Variants in ERICH3 observed in about 807,000 individuals in gnomAD.
ERICH3 encodes glutamate rich 3, also known as glutamate-rich protein 3.
In ERICH3, 126 loss-of-function variants were observed where a neutral mutation model predicts 131.1. That is an observed-to-expected ratio of 0.96 (90% CI 0.83 to 1.11). The LOEUF (loss-of-function observed/expected upper bound fraction) is 1.11, where lower values mean the gene tolerates loss of function less well. ERICH3 is among the 50% of genes most tolerant of loss of function. The pLI is 0.00. For synonymous variants in ERICH3, 695 were observed against 644.6 expected (o/e 1.08, Z -1.18); for missense variants, 2,050 against 1,810.7 (o/e 1.13, Z -2.40).
At chr1:74,633,064 G>T (rs554182947) in intron 6 of ERICH3, among the ~76,000 whole-genome samples, 23 of 151,624 alleles carry the variant, frequency 1.5e-4, no homozygotes, top group African/African-American at 5.3e-4. Context: ...AATTTATATT[G>T]TACTTATGTT....
At chr1:74,614,620 C>G (rs574132456) in intron 8 of ERICH3, among the ~76,000 whole-genome samples, 1 of 149,142 alleles carries the variant, frequency 6.7e-6, no homozygotes. Flanking sequence ...GAGCTTGCAG[C>G]GAGCCGAGAT....
intron 5 of ERICH3, among the ~76,000 whole-genome samples, chr1:74,637,963 T>C (rs1432119614): frequency 6.6e-6 from 1 of 152,112 alleles, no homozygotes; most frequent in East Asian, 1.9e-4. Flanking sequence ...ATCAGACTTT[T>C]GACCCAATTG....
chr1:74,661,554 A>G (rs1646641751), intron 1 of ERICH3, among the ~76,000 whole-genome samples: 1 of 152,186 alleles, frequency 6.6e-6, no homozygotes, highest in African/African-American at 2.4e-5. Context: ...AAAGTGATTT[A>G]TTGACTGGAA....
In ERICH3 at chr1:74,645,440, T is replaced by G. The variant is rs1173449138; in HGVS notation, c.243+1227A>C. ...TCTATTATGTAACAATTATGTTATTTAATATATTACATATTAACATTTATC... is the reference window on the plus strand; with the variant it reads ...TCTATTATGTAACAATTATGTTATTGAATATATTACATATTAACATTTATC... On this transcript the variant is annotated intron_variant, in intron 3 of 14. Transcript: ENST00000326665. 2.0e-5 allele frequency among the ~76,000 whole-genome samples: 3 copies of G among 151,632 alleles called. No homozygotes were observed. The East Asian group carries it at 5.8e-4, about 29-fold the overall frequency.
chr1:74,653,965 T>C (rs903214892), intron 1 of ERICH3, among the ~76,000 whole-genome samples: 14 of 152,170 alleles, frequency 9.2e-5, no homozygotes, highest in African/African-American at 2.9e-4. Flanking sequence ...TTTTCTGCCT[T>C]TCAAAAACAC....
chr1:74,595,866 C>G (rs189713294), intron 11 of ERICH3, among the ~76,000 whole-genome samples: 1 of 152,106 alleles, frequency 6.6e-6, no homozygotes, highest in Non-Finnish European at 1.5e-5. Flanking sequence ...GTTTGATTGA[C>G]CACGCAAAAA....
chr1:74,671,698 A>G (rs1175895000), intron 1 of ERICH3, among the ~76,000 whole-genome samples: 1 of 152,240 alleles, frequency 6.6e-6, no homozygotes, highest in African/African-American at 2.4e-5. Context: ...ATAAAACACT[A>G]GAATGGAGCC....
At chr1:74,597,898 C>T (rs1212589051) in intron 11 of ERICH3, among the ~76,000 whole-genome samples, 1 of 151,908 alleles carries the variant, frequency 6.6e-6, no homozygotes, top group African/African-American at 2.4e-5. Flanking sequence ...GACATTTTGT[C>T]TCATCTCCTG....
intron 7 of ERICH3, among the ~76,000 whole-genome samples, chr1:74,629,691 C>T (rs1185758974): frequency 1.3e-5 from 2 of 152,188 alleles, no homozygotes; most frequent in Non-Finnish European, 2.9e-5. Flanking sequence ...ATGACCTGAC[C>T]ACTCTGACTT....
chr1:74,571,866 C>T lies in ERICH3; in HGVS notation c.3844G>A (p.Ala1282Thr). ...EAVAEEDPIM[A>T]EKFREEAVDE... ...ACCGCTTCCTCCCTGAACTTTTCTG[C>T]CATTATGGGATCTTCCTCAGCAACA... The change falls in exon 14 of 15, where the codon GCA becomes ACA. Residue 1282 changes from alanine (A) to threonine (T), a missense_variant. By Grantham distance (58) the Ala-to-Thr change is moderately conservative. Transcript: ENST00000326665. 1 of 1,611,920 alleles carries T rather than the reference C, an allele frequency of 6.2e-7. No individual in the cohort carries two copies. Among genetic ancestry groups the T allele is most frequent in the Non-Finnish European group, 8.5e-7 (1 of 1,180,028 alleles).
chr1:74,629,348 A>T (rs1649516310), intron 7 of ERICH3, among the ~76,000 whole-genome samples: 2 of 152,124 alleles, frequency 1.3e-5, no homozygotes, highest in Admixed American at 1.3e-4. Flanking sequence ...CAAAATAGAG[A>T]TTCCAAAAAG....
intron 12 of ERICH3, chr1:74,579,416 G>A (rs1403733057): frequency 1.0e-6 from 1 of 985,262 alleles, no homozygotes; most frequent in African/African-American, 1.7e-5. Flanking sequence ...AGAAATGATA[G>A]TGAAGCTTGT....
Position 74,589,765 on chromosome 1 carries a change from G to A in ERICH3, c.2042C>T (p.Ala681Val). The change falls in exon 12 of 15, where the codon GCA becomes GTA. Residue 681 changes from alanine to valine, a missense_variant. Physicochemically the swap from Ala to Val is moderately conservative, Grantham distance 64. Coordinates refer to ENST00000326665, the MANE Select transcript of ERICH3 (RefSeq NM_001002912.5). ...CCCGGACTTCTCAGATAAACCCTCT[G>A]CAATCTCTTGGGTTCCTTTCTCCGT... Reference protein sequence around the residue: ...EGTEKGTQEIAEGLSEKSGKH... With the variant: ...EGTEKGTQEIVEGLSEKSGKH... 5.0e-6 allele frequency: 8 copies of A among 1,614,024 alleles called. No homozygotes were observed. The highest frequency in any genetic ancestry group is 6.8e-6 in the Non-Finnish European group (8 of 1,179,964).
At chr1:74,607,570 T>C (rs1648463171) in intron 9 of ERICH3, among the ~76,000 whole-genome samples, 1 of 151,988 alleles carries the variant, frequency 6.6e-6, no homozygotes, top group Admixed American at 6.6e-5. Context: ...TTATTGCTTT[T>C]AGAATGGCCT....
At chr1:74,664,702 G>A (rs1389788277) in intron 1 of ERICH3, among the ~76,000 whole-genome samples, 1 of 152,054 alleles carries the variant, frequency 6.6e-6, no homozygotes, top group Admixed American at 6.6e-5. Context: ...ATTTGTAAAT[G>A]TTTATGACTA....
intron 7 of ERICH3, among the ~76,000 whole-genome samples, chr1:74,627,354 A>T (rs541215501): frequency 6.6e-6 from 1 of 152,314 alleles, no homozygotes; most frequent in South Asian, 2.1e-4. Context: ...GCATGAAAAC[A>T]GAATGCCATG....
At position 74,661,752 on chromosome 1, in the gene ERICH3, G is replaced by C. The variant is rs539588114; in HGVS notation, c.23+11745C>G. On this transcript the variant is annotated intron_variant, in intron 1 of 14. Transcript: ENST00000326665. ...ATTCACTGAGTACCTATTATATGTC[G>C]ATATTTATTAGCCCCGTATTTTTGA... Among the ~76,000 whole-genome samples, 178 of 152,134 alleles carry C rather than the reference G, an allele frequency of 1.2e-3. 1 individual carries two copies. The highest frequency in any genetic ancestry group is 4.2e-3 in the African/African-American group (174 of 41,528).
At position 74,568,446 on chromosome 1, in the gene ERICH3, T is replaced by G. The variant is rs1646896974; in HGVS notation, c.*2012A>C. The G allele has an allele frequency of 6.6e-6, 1 of 152,146 alleles. No homozygotes were observed. Among genetic ancestry groups the G allele is most frequent in the Non-Finnish European group, 1.5e-5 (1 of 67,992 alleles). The allele number at this position is 152,146 out of a possible 1,614,324, so 9.4% of individuals were successfully genotyped here. On this transcript the variant is annotated 3_prime_UTR_variant, in exon 15 of 15. Coordinates refer to ENST00000326665, the MANE Select transcript of ERICH3 (RefSeq NM_001002912.5). ...TCAAAGTGCTCTGTAGCATTGAGTT[T>G]GAAATCAGGAAACAAATACTGTTAG...
chr1:74,668,258 T>C (rs1375638751), intron 1 of ERICH3, among the ~76,000 whole-genome samples: 1 of 152,214 alleles, frequency 6.6e-6, no homozygotes, highest in Non-Finnish European at 1.5e-5. Flanking sequence ...TCCAGTCATG[T>C]TGATTTCCAC....
Sources: gnomAD v4.1 joint callset for allele counts (sites outside exome capture counted in the v4.1 genomes callset) on GRCh38, gnomAD v4.1.1 for gene constraint, MANE v1.5 for transcripts, NCBI Gene and HGNC (gene_info 2026-07-23, HGNC 2026-07-21) for gene names.